Variants in IQCE observed in about 807,000 individuals in gnomAD.
The protein encoded by IQCE is IQ motif containing E, also known as IQ domain-containing protein E.
IQCE carries 115 observed loss-of-function variants against 96.0 expected under a neutral mutation model. The observed-to-expected ratio is 1.20, with a 90% CI of 1.03 to 1.40. The LOEUF (loss-of-function observed/expected upper bound fraction) is 1.40. Ranked by LOEUF, IQCE falls within the 40% of genes most tolerant of loss-of-function variation. The probability of loss-of-function intolerance (pLI) is 0.00; values close to 1 mark genes in which losing one functional copy is unlikely to be tolerated. For missense variants in IQCE, 1,041 were observed against 909.1 expected (o/e 1.15, Z -1.87); for synonymous variants, 412 against 371.2 (o/e 1.11, Z -1.26).
At chr7:2,562,709 A>T (rs1781056641) in intron 1 of IQCE, among the ~76,000 whole-genome samples, 3 of 144,530 alleles carry the variant, frequency 2.1e-5, no homozygotes, top group Admixed American at 6.9e-5. Context: ...GGTTTCATTG[A>T]TTTTTCTATT....
At chr7:2,564,701 A>C (rs983697879) in intron 1 of IQCE, among the ~76,000 whole-genome samples, 2 of 152,060 alleles carry the variant, frequency 1.3e-5, no homozygotes, top group Non-Finnish European at 2.9e-5. Context: ...CTTTTAATTC[A>C]TTGAGGCTTT....
intron 11 of IQCE, chr7:2,584,494 G>A: frequency 1.7e-6 from 1 of 592,760 alleles, no homozygotes; most frequent in Non-Finnish European, 3.1e-6. Context: ...ACGTGTTGAT[G>A]GCCAACGCGT....
chr7:2,566,483 G>A (rs1487450114), intron 1 of IQCE: 3 of 130,790 alleles, frequency 2.3e-5, no homozygotes, highest in Non-Finnish European at 4.8e-5. Flanking sequence ...TTTCCCAGCT[G>A]GGGTCTTGCT....
chr7:2,586,477 A>G lies in IQCE; in HGVS notation c.988+106A>G, dbSNP rs142849415. The G allele has an allele frequency of 2.6e-4, 334 of 1,266,960 alleles. 1 individual carries two copies. In the East Asian group the frequency reaches 7.7e-3, roughly 29 times the overall value. 78.5% of individuals were successfully genotyped at this position (1,266,960 alleles called of 1,614,324 possible). A position where few individuals can be genotyped will look rare whatever the true frequency, so the allele number is the denominator to read the frequency against. On this transcript the variant is annotated intron_variant, in intron 12 of 21. Coordinates refer to ENST00000402050, the MANE Select transcript of IQCE (RefSeq NM_152558.5). ...CTGAGGACAGGCACCACGAGGGCAG[A>G]TGTGAACCCTTGGGCAACGCCAGTT...
chr7:2,578,652 C>A (rs1035971841), intron 8 of IQCE, 126 bp downstream of exon 8: 2 of 1,006,040 alleles, frequency 2.0e-6, no homozygotes, highest in African/African-American at 1.6e-5. Context: ...AGGCTGCGGA[C>A]CCCCAAACCC....
At position 2,581,366 on chromosome 7, in the gene IQCE, C is replaced by T. The variant is rs143255686; in HGVS notation, c.631-1214C>T. Among the ~76,000 whole-genome samples, 491 of 151,752 alleles carry T rather than the reference C, an allele frequency of 3.2e-3. 6 individuals carry two copies. Among genetic ancestry groups the T allele is most frequent in the African/African-American group, 0.011 (448 of 41,430 alleles). Reference sequence around the variant, plus strand: ...GATTACAAGCACCTACCACCATGCCCGGCTACTTTTTGTATTTTTAGTAGA... The same window carrying T: ...GATTACAAGCACCTACCACCATGCCTGGCTACTTTTTGTATTTTTAGTAGA... On this transcript the variant is annotated intron_variant, in intron 8 of 21. Coordinates refer to ENST00000402050, the MANE Select transcript of IQCE (RefSeq NM_152558.5).
intron 19 of IQCE, among the ~76,000 whole-genome samples, chr7:2,605,573 T>A (rs1271682787): frequency 2.0e-5 from 3 of 151,878 alleles, no homozygotes. Flanking sequence ...TGAGTCGAGA[T>A]CACGCCACTG....
At chr7:2,581,092 C>T (rs1490402372) in intron 8 of IQCE, among the ~76,000 whole-genome samples, 4 of 152,124 alleles carry the variant, frequency 2.6e-5, no homozygotes, top group Non-Finnish European at 5.9e-5. Context: ...ATCTGCCCAC[C>T]TTGGCCTGCC....
At position 2,562,233 on chromosome 7, in the gene IQCE, GGTGTGTGT is replaced by G. The variant is rs139019430; in HGVS notation, c.36+3028_36+3035del. Among the ~76,000 whole-genome samples, 187 of 148,788 alleles carry G rather than the reference GGTGTGTGT, an allele frequency of 1.3e-3. 1 individual carries two copies. Among genetic ancestry groups the G allele is most frequent in the African/African-American group, 4.4e-3 (180 of 40,494 alleles). On this transcript the variant is annotated intron_variant, in intron 1 of 21. Coordinates refer to ENST00000402050, the MANE Select transcript of IQCE (RefSeq NM_152558.5). ...ACCAATCTTTCATTCTTGGTCTTGG[GGTGTGTGT>G]GTGTGTGTGTGCACATAAATATATA...
At chr7:2,585,272 A>T (rs1400153434) in intron 11 of IQCE, among the ~76,000 whole-genome samples, 1 of 152,190 alleles carries the variant, frequency 6.6e-6, no homozygotes, top group South Asian at 2.1e-4. Flanking sequence ...TCCTGACCTC[A>T]GGTGATCCGC....
chr7:2,569,748 C>T (rs970630727), intron 3 of IQCE, among the ~76,000 whole-genome samples: 8 of 152,142 alleles, frequency 5.3e-5, no homozygotes, highest in African/African-American at 1.9e-4. Context: ...TTTATATACG[C>T]GTATCATATA....
In IQCE at chr7:2,611,963, C is replaced by G. The variant is rs568699590; in HGVS notation, c.*1801C>G. ...CCCTGGGGCGCTGTCCCAAGCCATC[C>G]CTGCTTGCCAGCTCAAAGCTTCAGG... On this transcript the variant is annotated 3_prime_UTR_variant, in exon 22 of 22. Transcript: ENST00000402050. 6.6e-6 allele frequency: 1 copy of G among 152,292 alleles called. No homozygotes were observed. Among genetic ancestry groups the G allele is most frequent in the South Asian group, 2.1e-4 (1 of 4,812 alleles). 9.4% of individuals were successfully genotyped at this position (152,292 alleles called of 1,614,324 possible). A position where few individuals can be genotyped will look rare whatever the true frequency, so the allele number is the denominator to read the frequency against.
chr7:2,578,383 G>A (rs377480169), intron 7 of IQCE, 28 bp downstream of exon 7: 88 of 1,611,766 alleles, frequency 5.5e-5, no homozygotes, highest in Non-Finnish European at 7.1e-5. Flanking sequence ...CACGGACGGG[G>A]CAAGGGGAGG....
At chr7:2,566,603 GT>G in intron 1 of IQCE, 1 of 168,770 alleles carries the variant, frequency 5.9e-6, no homozygotes, top group South Asian at 1.4e-4. Flanking sequence ...GGGACTACAG[GT>G]GTGTGCAACC....
Position 2,581,261 on chromosome 7 carries a change from A to G in IQCE, c.631-1319A>G, listed in dbSNP as rs544363070. Among the ~76,000 whole-genome samples the G allele has an allele frequency of 2.6e-5, 4 of 152,196 alleles. No homozygotes were observed. The South Asian group carries it at 8.3e-4, about 32-fold the overall frequency. On this transcript the variant is annotated intron_variant, in intron 8 of 21. Transcript: ENST00000402050. Reference sequence around the variant, plus strand: ...GGCTCTGTCGCCCAGGCTGCAGTGCAGTGGCGAGATCTCGACTCACTGCAC... The same window carrying G: ...GGCTCTGTCGCCCAGGCTGCAGTGCGGTGGCGAGATCTCGACTCACTGCAC...
intron 17 of IQCE, among the ~76,000 whole-genome samples, chr7:2,599,794 C>T (rs1056616503): frequency 2.1e-4 from 30 of 145,092 alleles, no homozygotes; most frequent in African/African-American, 7.2e-4. Context: ...GATTTTTTTT[C>T]TTTTCTTTTT....
chr7:2,565,454 C>G (rs1404570631), intron 1 of IQCE, among the ~76,000 whole-genome samples: 1 of 152,202 alleles, frequency 6.6e-6, no homozygotes, highest in Non-Finnish European at 1.5e-5. Context: ...TTGTTTACTA[C>G]ACATAAAATC....
intron 12 of IQCE, among the ~76,000 whole-genome samples, chr7:2,587,363 G>A (rs913146946): frequency 2.0e-5 from 3 of 151,608 alleles, no homozygotes; most frequent in African/African-American, 7.3e-5. Context: ...GAGGTCACCT[G>A]GAGTGAGAGG....
intron 8 of IQCE, among the ~76,000 whole-genome samples, chr7:2,579,559 T>C (rs950728499): frequency 1.8e-4 from 27 of 152,242 alleles, no homozygotes; most frequent in African/African-American, 6.5e-4. Context: ...TGTAGAAAGA[T>C]TGTATAATCA....
Sources: gnomAD v4.1 joint callset for allele counts (sites outside exome capture counted in the v4.1 genomes callset) on GRCh38, gnomAD v4.1.1 for gene constraint, MANE v1.5 for transcripts, NCBI Gene and HGNC (gene_info 2026-07-23, HGNC 2026-07-21) for gene names.